The following SLC7A14 variants were observed in gnomAD, a reference collection of about 807,000 sequenced individuals.
SLC7A14 encodes solute carrier family 7 member 14.
SLC7A14 carries 37 observed loss-of-function variants against 60.2 expected under a neutral mutation model. The observed-to-expected ratio is 0.61, with a 90% CI of 0.47 to 0.81. The LOEUF is 0.81. Ranked by LOEUF, SLC7A14 falls within the 30% of genes least tolerant of loss-of-function variation. The pLI is 0.00. For missense variants in SLC7A14, 886 were observed against 982.7 expected (o/e 0.90, Z 1.32); for synonymous variants, 399 against 395.8 (o/e 1.01, Z -0.10).
At chr3:170,531,973 C>T (rs987573453) in intron 1 of SLC7A14, among the ~76,000 whole-genome samples, 1 of 152,046 alleles carries the variant, frequency 6.6e-6, no homozygotes, top group Non-Finnish European at 1.5e-5. Flanking sequence ...GTAGGATTAT[C>T]GAATTAGGCT....
rs1739678988 is a variant in SLC7A14 at position 170,464,692 on chromosome 3, T to C, written c.*2363A>G. The C allele has an allele frequency of 6.6e-6, 1 of 152,214 alleles. No individual in the cohort carries two copies. The highest frequency in any genetic ancestry group is 2.1e-4 in the South Asian group (1 of 4,830). 9.4% of individuals were successfully genotyped at this position (152,214 alleles called of 1,614,324 possible). ...ATGAGAGTGCTTAATAGAATCTGCA[T>C]GAAGTCAACAGCAATGGTGTTAACC... On this transcript the variant is annotated 3_prime_UTR_variant, in exon 8 of 8. Transcript: ENST00000231706.
Position 170,500,822 on chromosome 3 carries a change from A to G in SLC7A14, c.541+287T>C, listed in dbSNP as rs1484249622. On this transcript the variant is annotated intron_variant, in intron 3 of 7. Coordinates refer to ENST00000231706, the MANE Select transcript of SLC7A14 (RefSeq NM_020949.3). Reference sequence around the variant, plus strand: ...GCTAGCTACATAGTATTTGTCTGCAATTTACTTAGTCACTTGCCCCACTGT... The same window carrying G: ...GCTAGCTACATAGTATTTGTCTGCAGTTTACTTAGTCACTTGCCCCACTGT... 2.8e-5 allele frequency among the ~76,000 whole-genome samples: 4 copies of G among 143,084 alleles called. No individual in the cohort carries two copies. In the East Asian group the frequency reaches 8.6e-4, roughly 31 times the overall value. 93.9% of individuals were successfully genotyped at this position (143,084 alleles called of 152,430 possible).
intron 1 of SLC7A14, among the ~76,000 whole-genome samples, chr3:170,575,678 T>C (rs1318041160): frequency 6.6e-6 from 1 of 152,218 alleles, no homozygotes; most frequent in Non-Finnish European, 1.5e-5. Context: ...GAGGAGGGAC[T>C]AGGTTCTAGC....
At chr3:170,473,354 G>A (rs1460132612) in intron 7 of SLC7A14, among the ~76,000 whole-genome samples, 1 of 152,154 alleles carries the variant, frequency 6.6e-6, no homozygotes, top group Non-Finnish European at 1.5e-5. Context: ...CAACTCTGAG[G>A]GCACACACTT....
intron 2 of SLC7A14, among the ~76,000 whole-genome samples, chr3:170,507,702 T>C (rs1366422770): frequency 1.3e-5 from 2 of 152,232 alleles, no homozygotes; most frequent in Non-Finnish European, 2.9e-5. Flanking sequence ...TGAAAAGGAC[T>C]GTACAGTTCA....
intron 7 of SLC7A14, among the ~76,000 whole-genome samples, chr3:170,470,918 T>C (rs1358022797): frequency 6.6e-6 from 1 of 152,192 alleles, no homozygotes; most frequent in South Asian, 2.1e-4. Context: ...GAAAAATCTG[T>C]AGGGGTTCTG....
At position 170,585,402 on chromosome 3, in the gene SLC7A14, G is replaced by T. The variant is rs1195319138; in HGVS notation, c.-153+509C>A. Among the ~76,000 whole-genome samples the T allele has an allele frequency of 6.6e-6, 1 of 152,168 alleles. No individual in the cohort carries two copies. Among genetic ancestry groups the T allele is most frequent in the African/African-American group, 2.4e-5 (1 of 41,448 alleles). On this transcript the variant is annotated intron_variant, in intron 1 of 7. Transcript: ENST00000231706. This position sits in a 1 kb window ranked among gnomAD's most constrained non-coding sequence, Gnocchi z 5.1. Reference sequence around the variant, plus strand: ...TTTGCTCCCAGGTAAAAGGGCAGACGTTGCTCCCGACCTCCCCGGAGTCTG... The same window carrying T: ...TTTGCTCCCAGGTAAAAGGGCAGACTTTGCTCCCGACCTCCCCGGAGTCTG...
At chr3:170,583,799 G>C (rs915186561) in intron 1 of SLC7A14, among the ~76,000 whole-genome samples, 1 of 152,216 alleles carries the variant, frequency 6.6e-6, no homozygotes, top group Admixed American at 6.5e-5. Context: ...TGTGTGAACA[G>C]TGGTATCTCA....
rs1274792745 is a variant in SLC7A14, at chr3:170,501,305, G to A, written c.345C>T (p.Thr115=). ...YAEFGVRVPK[T]TGSAYTYSYV... ...AGCTGTAGGTGTAGGCAGATCCTGTGGTCTTGGGGACTCGAACTCCAAACT... is the reference window on the plus strand; with the variant it reads ...AGCTGTAGGTGTAGGCAGATCCTGTAGTCTTGGGGACTCGAACTCCAAACT... Residue 115 remains threonine, a synonymous_variant, in exon 3 of 8, where the codon ACC becomes ACT. Coordinates refer to ENST00000231706, the MANE Select transcript of SLC7A14 (RefSeq NM_020949.3). 1 of 1,614,038 alleles carries A rather than the reference G, an allele frequency of 6.2e-7. No individual in the cohort carries two copies. Among genetic ancestry groups the A allele is most frequent in the East Asian group, 2.2e-5 (1 of 44,894 alleles).
At chr3:170,574,541 T>C (rs1032640690) in intron 1 of SLC7A14, among the ~76,000 whole-genome samples, 1 of 152,198 alleles carries the variant, frequency 6.6e-6, no homozygotes. Context: ...CTGAGCACAC[T>C]GTTTCCTATG....
At chr3:170,571,799 G>T (rs1484322494) in intron 1 of SLC7A14, among the ~76,000 whole-genome samples, 1 of 152,140 alleles carries the variant, frequency 6.6e-6, no homozygotes. Context: ...GTTGGCTCAT[G>T]CCTGTAATCC....
rs142231149 is a variant in SLC7A14 at position 170,536,635 on chromosome 3, G to A, written c.-152-9547C>T. On this transcript the variant is annotated intron_variant, in intron 1 of 7. Coordinates refer to ENST00000231706, the MANE Select transcript of SLC7A14 (RefSeq NM_020949.3). ...TCTGTACTCATGAATCAGGAGACCG[G>A]AGGTTTTGTCCCAGTCCCGTAGGAC... Among the ~76,000 whole-genome samples the A allele has an allele frequency of 4.0e-3, 615 of 152,284 alleles. 3 individuals are homozygous for A. The highest frequency in any genetic ancestry group is 0.013 in the African/African-American group (545 of 41,552).
rs1739606440 is a variant in SLC7A14, at chr3:170,461,704, C to T, written c.*5351G>A. The T allele has an allele frequency of 6.6e-6, 1 of 152,244 alleles. No individual in the cohort carries two copies. The highest frequency in any genetic ancestry group is 1.5e-5 in the Non-Finnish European group (1 of 68,070). The allele number at this position is 152,244 out of a possible 1,614,324, so 9.4% of individuals were successfully genotyped here. On this transcript the variant is annotated 3_prime_UTR_variant, in exon 8 of 8. Coordinates refer to ENST00000231706, the MANE Select transcript of SLC7A14 (RefSeq NM_020949.3). The stretch of plus-strand genomic sequence containing the variant: ...CACTGTTGAATTTCAAATACTCTTT[C>T]GTGGCCAGGCCACCACTGGTTACCT...
At chr3:170,517,686 G>T (rs1217302811) in intron 2 of SLC7A14, among the ~76,000 whole-genome samples, 1 of 152,164 alleles carries the variant, frequency 6.6e-6, no homozygotes, top group Non-Finnish European at 1.5e-5. Context: ...AACCAGCCCA[G>T]GAGGAGGTTG....
At chr3:170,496,393 T>C (rs1419709279) in intron 4 of SLC7A14, 15 of 1,430,518 alleles carry the variant, frequency 1.0e-5, no homozygotes, top group Middle Eastern at 2.3e-4. Context: ...CAGGCTGAGA[T>C]TGAGGGCCTC....
chr3:170,469,032 C>T (rs999050912), intron 7 of SLC7A14, among the ~76,000 whole-genome samples: 1 of 152,228 alleles, frequency 6.6e-6, no homozygotes, highest in Non-Finnish European at 1.5e-5. Flanking sequence ...AGATAATGAA[C>T]TGTGCCTGAT....
chr3:170,577,977 C>T (rs1577576635), intron 1 of SLC7A14, among the ~76,000 whole-genome samples: 2 of 152,210 alleles, frequency 1.3e-5, no homozygotes, highest in Non-Finnish European at 2.9e-5. Context: ...TGACCCAAGC[C>T]TACCTCCAGG....
intron 4 of SLC7A14, among the ~76,000 whole-genome samples, chr3:170,489,810 T>G (rs1202199557): frequency 6.6e-6 from 1 of 152,176 alleles, no homozygotes; most frequent in African/African-American, 2.4e-5. Flanking sequence ...GAACTGAAGA[T>G]CTTTATGTTA....
At position 170,476,526 on chromosome 3, in the gene SLC7A14, C is replaced by A. The variant is rs369432124; in HGVS notation, c.1993+3763G>T. Among the ~76,000 whole-genome samples the A allele has an allele frequency of 1.8e-4, 27 of 152,296 alleles. No homozygotes were observed. The South Asian group carries it at 4.1e-3, about 23-fold the overall frequency. The stretch of plus-strand genomic sequence containing the variant: ...GGAGTTTGTGCTATCAGCAAGATTA[C>A]AAAAGGCGCTCAGGGAGTTTTCCTC... On this transcript the variant is annotated intron_variant, in intron 7 of 7. Coordinates refer to ENST00000231706, the MANE Select transcript of SLC7A14 (RefSeq NM_020949.3).
Sources: allele counts gnomAD v4.1 joint callset (sites outside exome capture counted in the v4.1 genomes callset), GRCh38; gene constraint gnomAD v4.1.1; non-coding constraint Gnocchi (gnomAD v3.1); transcripts MANE v1.5; gene names NCBI Gene and HGNC (gene_info 2026-07-23, HGNC 2026-07-21).